RB1CC1: variants seen among roughly 807,000 people sequenced by gnomAD.
RB1CC1 encodes the protein RB1-inducible coiled-coil protein 1.
In RB1CC1, 46 loss-of-function variants were observed where a neutral mutation model predicts 177.5. That is an observed-to-expected ratio of 0.26 (90% CI 0.20 to 0.33). RB1CC1 has a LOEUF of 0.33. Among genes scored for constraint, RB1CC1 ranks in the 10% least tolerant of loss-of-function variants. The pLI, the probability that RB1CC1 is intolerant of heterozygous loss-of-function variation, is 1.00. For synonymous variants in RB1CC1, 666 were observed against 613.6 expected (o/e 1.09, Z -1.26); for missense variants, 1,703 against 1,816.3 (o/e 0.94, Z 1.13).
intron 16 of RB1CC1, among the ~76,000 whole-genome samples, chr8:52,644,781 G>A (rs1849872103): frequency 6.6e-6 from 1 of 151,986 alleles, no homozygotes; most frequent in Admixed American, 6.6e-5. Context: ...ATTCCACAAA[G>A]ACACTAATTA....
chr8:52,641,384 C>CAAAAA (rs33912526), intron 18 of RB1CC1, among the ~76,000 whole-genome samples: 1 of 97,470 alleles, frequency 1.0e-5, no homozygotes, highest in African/African-American at 4.0e-5. Context: ...GACTTCATCT[C>CAAAAA]AAAAAAAAAA....
In RB1CC1 at chr8:52,627,671, AAAGT is replaced by A. The variant is rs1171497950; in HGVS notation, c.4636+357_4636+360del. On this transcript the variant is annotated intron_variant, in intron 22 of 23. Coordinates refer to ENST00000025008, the MANE Select transcript of RB1CC1 (RefSeq NM_014781.5). ...TAGACTAGACATTTTATAATTTAAGAAAGTTTTTTTTGCCAAAAAATAATGCTTT... is the reference window on the plus strand; with the variant it reads ...TAGACTAGACATTTTATAATTTAAGATTTTTTTGCCAAAAAATAATGCTTT... Among the ~76,000 whole-genome samples, 4 of 152,238 alleles carry A rather than the reference AAAGT, an allele frequency of 2.6e-5. No homozygotes were observed. The East Asian group carries it at 7.7e-4, about 29-fold the overall frequency.
At chr8:52,713,302 A>C (rs1353536942) in intron 1 of RB1CC1, among the ~76,000 whole-genome samples, 1 of 152,204 alleles carries the variant, frequency 6.6e-6, no homozygotes, top group African/African-American at 2.4e-5. Flanking sequence ...TCATGATGGA[A>C]ACGACTAGAT....
intron 15 of RB1CC1, among the ~76,000 whole-genome samples, chr8:52,649,994 T>A (rs1308542902): frequency 2.0e-5 from 3 of 152,256 alleles, no homozygotes; most frequent in African/African-American, 7.2e-5. Flanking sequence ...GATCTCTTCA[T>A]ATCCTCTGTC....
intron 1 of RB1CC1, among the ~76,000 whole-genome samples, chr8:52,707,721 A>G (rs1856706384): frequency 6.6e-6 from 1 of 152,082 alleles, no homozygotes; most frequent in Admixed American, 6.6e-5. Flanking sequence ...ACAAATCTGT[A>G]GTTTCTTTAC....
chr8:52,635,448 T>C (rs1361078387), intron 19 of RB1CC1, among the ~76,000 whole-genome samples: 1 of 152,174 alleles, frequency 6.6e-6, no homozygotes, highest in Non-Finnish European at 1.5e-5. Context: ...AAAGGCATTG[T>C]TGAAAATCTT....
At chr8:52,665,526 T>C (rs187574399) in intron 8 of RB1CC1, among the ~76,000 whole-genome samples, 2 of 152,318 alleles carry the variant, frequency 1.3e-5, no homozygotes, top group East Asian at 3.9e-4. Flanking sequence ...ATTTCTAATA[T>C]GGAAAAACTG....
At chr8:52,694,784 G>C (rs1045935974) in intron 1 of RB1CC1, among the ~76,000 whole-genome samples, 10 of 152,160 alleles carry the variant, frequency 6.6e-5, no homozygotes, top group African/African-American at 2.4e-4. Flanking sequence ...CTTTCTAACA[G>C]ATGATAGACC....
At chr8:52,659,194 T>C (rs1197629254) in intron 12 of RB1CC1, among the ~76,000 whole-genome samples, 1 of 152,200 alleles carries the variant, frequency 6.6e-6, no homozygotes, top group African/African-American at 2.4e-5. Context: ...GATCAAGGGA[T>C]GCACTTGTTC....
chr8:52,655,995 ACTTAATT>A lies in RB1CC1; in HGVS notation c.3821+6_3821+12del. 1 of 1,558,832 alleles carries A rather than the reference ACTTAATT, an allele frequency of 6.4e-7. No homozygotes were observed. Among genetic ancestry groups the A allele is most frequent in the East Asian group, 2.3e-5 (1 of 44,254 alleles). The stretch of plus-strand genomic sequence containing the variant: ...TTTTAATTTTATAATTACAGACTAA[ACTTAATT>A]CTTACCTTTTTGCTATTTGATTCTC... On this transcript the variant is annotated splice_donor_region_variant and intron_variant, in intron 15 of 23. Coordinates refer to ENST00000025008, the MANE Select transcript of RB1CC1 (RefSeq NM_014781.5).
At chr8:52,690,673 G>GT (rs889289802) in intron 1 of RB1CC1, among the ~76,000 whole-genome samples, 8 of 152,258 alleles carry the variant, frequency 5.3e-5, no homozygotes, top group African/African-American at 1.7e-4. Flanking sequence ...TCACTGTATT[G>GT]TTTTTTGTTT....
intron 18 of RB1CC1, among the ~76,000 whole-genome samples, chr8:52,638,858 A>G (rs1404638943): frequency 1.3e-5 from 2 of 152,134 alleles, no homozygotes; most frequent in African/African-American, 4.8e-5. Flanking sequence ...ACTGATTTAA[A>G]ATGCTACATG....
intron 1 of RB1CC1, among the ~76,000 whole-genome samples, chr8:52,687,259 G>A (rs891631041): frequency 6.6e-6 from 1 of 152,080 alleles, no homozygotes; most frequent in Non-Finnish European, 1.5e-5. Flanking sequence ...GAAAGCTTGG[G>A]TTTGGTTTGG....
At chr8:52,627,112 C>A (rs916189884) in intron 22 of RB1CC1, among the ~76,000 whole-genome samples, 17 of 151,856 alleles carry the variant, frequency 1.1e-4, no homozygotes, top group African/African-American at 3.6e-4. Flanking sequence ...ACTTTGGGAG[C>A]CTGAGGCAGG....
intron 1 of RB1CC1, among the ~76,000 whole-genome samples, chr8:52,698,329 CTTT>C (rs34458135): frequency 1.4e-5 from 2 of 146,628 alleles, no homozygotes; most frequent in East Asian, 2.0e-4. Flanking sequence ...GAGAGAATAA[CTTT>C]TTTTTTTTTA....
At chr8:52,677,790 TG>T (rs1009258242) in intron 5 of RB1CC1, among the ~76,000 whole-genome samples, 3 of 151,572 alleles carry the variant, frequency 2.0e-5, no homozygotes, top group African/African-American at 7.3e-5. Flanking sequence ...TAAAATAGAG[TG>T]GGGAAAAAAA....
chr8:52,675,956 G>GT (rs1217508978), intron 6 of RB1CC1, among the ~76,000 whole-genome samples: 1 of 150,410 alleles, frequency 6.6e-6, no homozygotes, highest in African/African-American at 2.4e-5. Context: ...CATCAAACCT[G>GT]TATCAGGATG....
rs376390904 is a variant in RB1CC1 at position 52,674,050 on chromosome 8, G to C, written c.797C>G (p.Ser266Cys). The change falls in exon 7 of 24, where the codon TCC becomes TGC. Residue 266 changes from serine (S) to cysteine (C), a missense_variant. Transcript: ENST00000025008. Reference protein sequence around the residue: ...TSFPKSVEHVSPDTADAESGK... With the variant: ...TSFPKSVEHVCPDTADAESGK... ...ACTTTCAGCATCTGCGGTATCTGGG[G>C]ACACATGTTCCACTGACTTGGGAAA... is the stretch of plus-strand genomic sequence containing the variant. 60 of 1,614,020 alleles carry C rather than the reference G, an allele frequency of 3.7e-5. No homozygotes were observed. In the African/African-American group the frequency reaches 7.2e-4, roughly 19 times the overall value.
intron 5 of RB1CC1, among the ~76,000 whole-genome samples, chr8:52,678,541 G>A (rs1402664665): frequency 2.0e-5 from 3 of 152,192 alleles, no homozygotes. Flanking sequence ...TCAAAGTCTA[G>A]GAAAATGCAA....
Sources: gnomAD v4.1 joint callset for allele counts (sites outside exome capture counted in the v4.1 genomes callset) on GRCh38, gnomAD v4.1.1 for gene constraint, MANE v1.5 for transcripts, NCBI Gene and HGNC (gene_info 2026-07-23, HGNC 2026-07-21) for gene names.